Variants in CNTNAP2 observed in about 807,000 individuals in gnomAD.
CNTNAP2 encodes the protein contactin associated protein 2, also known as contactin-associated protein-like 2.
A neutral mutation model predicts 155.2 loss-of-function variants in CNTNAP2; 98 were observed. That is an observed-to-expected ratio of 0.63 (90% confidence interval 0.54 to 0.75). CNTNAP2 has a LOEUF of 0.75. CNTNAP2 is among the 30% of genes least tolerant of loss of function. The probability of loss-of-function intolerance (pLI) is 0.00; values close to 1 mark genes in which losing one functional copy is unlikely to be tolerated. For missense variants in CNTNAP2, 1,727 were observed against 1,688.1 expected, an observed-to-expected ratio of 1.02 and a Z score of -0.40; for synonymous variants, 651 against 631.2, an observed-to-expected ratio of 1.03 and a Z score of -0.47.
chr7:146,675,309 C>A (rs1486782782), intron 1 of CNTNAP2, among the ~76,000 whole-genome samples: 1 of 152,108 alleles, frequency 6.6e-6, no homozygotes, highest in African/African-American at 2.4e-5. Context: ...GAATTCTGAT[C>A]TTGGATCATC....
chr7:146,550,053 A>T (rs1307722739), intron 1 of CNTNAP2, among the ~76,000 whole-genome samples: 2 of 152,150 alleles, frequency 1.3e-5, no homozygotes, highest in Admixed American at 6.6e-5. Flanking sequence ...AGCTCCAGTC[A>T]AAAGCAATCA....
At chr7:148,373,433 C>T (rs35074228) in intron 21 of CNTNAP2, among the ~76,000 whole-genome samples, 10,515 of 152,132 alleles carry the variant, frequency 0.069, 596 homozygotes, top group East Asian at 0.25. Flanking sequence ...CCAGCCTGGA[C>T]GACAGAGCGA....
intron 3 of CNTNAP2, among the ~76,000 whole-genome samples, chr7:146,969,625 G>A (rs1370830758): frequency 7.0e-6 from 1 of 142,704 alleles, no homozygotes; most frequent in Admixed American, 6.8e-5. Context: ...CAGAGACTAG[G>A]ATTGCAACCC....
At chr7:148,266,353 C>A (rs1445713026) in intron 20 of CNTNAP2, among the ~76,000 whole-genome samples, 1 of 152,142 alleles carries the variant, frequency 6.6e-6, no homozygotes, top group African/African-American at 2.4e-5. Flanking sequence ...GCAGGAAAAG[C>A]CACACAGGGA....
intron 3 of CNTNAP2, among the ~76,000 whole-genome samples, chr7:147,001,333 T>G (rs1798417898): frequency 6.6e-6 from 1 of 152,066 alleles, no homozygotes; most frequent in South Asian, 2.1e-4. Flanking sequence ...TCCTCAGGTT[T>G]GACTATTCTT....
intron 1 of CNTNAP2, among the ~76,000 whole-genome samples, chr7:146,754,972 AT>A (rs1292236872): frequency 6.6e-6 from 1 of 151,916 alleles, no homozygotes; most frequent in Non-Finnish European, 1.5e-5. Flanking sequence ...CCTGCTTCAA[AT>A]TTTTTAAAGA....
intron 1 of CNTNAP2, among the ~76,000 whole-genome samples, chr7:146,575,241 T>C (rs1019890478): frequency 1.3e-5 from 2 of 152,054 alleles, no homozygotes; most frequent in African/African-American, 4.8e-5. Flanking sequence ...CTCAGCCTCC[T>C]GAGTAGCTGA....
chr7:147,433,089 A>C (rs780924439), intron 10 of CNTNAP2, among the ~76,000 whole-genome samples: 1 of 152,184 alleles, frequency 6.6e-6, no homozygotes, highest in Non-Finnish European at 1.5e-5. Flanking sequence ...AGGACATTTG[A>C]AATCAGCATT....
At chr7:148,343,345 A>G (rs1255739119) in intron 21 of CNTNAP2, among the ~76,000 whole-genome samples, 3 of 152,210 alleles carry the variant, frequency 2.0e-5, no homozygotes, top group African/African-American at 4.8e-5. Context: ...AGCCCACAGT[A>G]CAGTGCTTCT....
chr7:146,352,836 G>T (rs913380532), intron 1 of CNTNAP2, among the ~76,000 whole-genome samples: 2 of 135,106 alleles, frequency 1.5e-5, no homozygotes, highest in African/African-American at 5.7e-5. Flanking sequence ...CTCACTGCAA[G>T]CTCCGCCTCC....
chr7:146,480,663 A>AAT (rs1305632365), intron 1 of CNTNAP2, among the ~76,000 whole-genome samples: 4 of 140,668 alleles, frequency 2.8e-5, no homozygotes, highest in Non-Finnish European at 6.1e-5. Flanking sequence ...GAACCTATAA[A>AAT]ATATATATAT....
At chr7:148,121,639 G>A (rs1037284065) in intron 16 of CNTNAP2, among the ~76,000 whole-genome samples, 1 of 152,098 alleles carries the variant, frequency 6.6e-6, no homozygotes, top group African/African-American at 2.4e-5. Flanking sequence ...ACTACATATT[G>A]CTTTCCAGAA....
Position 147,955,354 on chromosome 7 carries a change from C to T in CNTNAP2, c.2256-22508C>T, listed in dbSNP as rs1200610426. On this transcript the variant is annotated intron_variant, in intron 14 of 23. Transcript: ENST00000361727. The stretch of plus-strand genomic sequence containing the variant: ...ATTAATTTAAGACAACATTAAAAAC[C>T]CTCTACTTATTAGCATAACATGCTT... Among the ~76,000 whole-genome samples the T allele has an allele frequency of 2.0e-5, 3 of 151,616 alleles. No individual in the cohort carries two copies. In the East Asian group the frequency reaches 5.8e-4, roughly 29 times the overall value.
chr7:146,252,886 AATG>A (rs10604991), intron 1 of CNTNAP2, among the ~76,000 whole-genome samples: 25,160 of 151,988 alleles, frequency 0.17, 4,605 homozygotes, highest in African/African-American at 0.46. Flanking sequence ...GCCTCATCGT[AATG>A]ATAATAATGA....
intron 3 of CNTNAP2, among the ~76,000 whole-genome samples, chr7:146,903,246 G>A (rs10081247): frequency 6.6e-6 from 1 of 151,902 alleles, no homozygotes; most frequent in African/African-American, 2.4e-5. Flanking sequence ...TTTGTCACCA[G>A]AGATAGCTTG....
At chr7:147,619,869 G>A (rs1801360675) in intron 12 of CNTNAP2, among the ~76,000 whole-genome samples, 1 of 152,166 alleles carries the variant, frequency 6.6e-6, no homozygotes, top group Non-Finnish European at 1.5e-5. Flanking sequence ...AGCAGGTCTT[G>A]GGGCAACACC....
chr7:147,562,290 G>T, intron 12 of CNTNAP2, 33 bp downstream of exon 12: 1 of 1,612,466 alleles, frequency 6.2e-7, no homozygotes, highest in African/African-American at 1.3e-5. Flanking sequence ...TTATGAAGAT[G>T]CTTTTCTATA....
At chr7:147,710,870 T>C (rs1280303268) in intron 13 of CNTNAP2, among the ~76,000 whole-genome samples, 1 of 152,158 alleles carries the variant, frequency 6.6e-6, no homozygotes, top group Non-Finnish European at 1.5e-5. Context: ...GAAGTGGAAA[T>C]TAATTTGATG....
At chr7:148,009,317 T>C (rs1304046949) in intron 15 of CNTNAP2, among the ~76,000 whole-genome samples, 1 of 152,170 alleles carries the variant, frequency 6.6e-6, no homozygotes, top group African/African-American at 2.4e-5. Flanking sequence ...ACAAAATGGT[T>C]GTACAGGTAC....
Sources: gnomAD v4.1 joint callset for allele counts (sites outside exome capture counted in the v4.1 genomes callset) on GRCh38, gnomAD v4.1.1 for gene constraint, MANE v1.5 for transcripts, NCBI Gene and HGNC (gene_info 2026-07-23, HGNC 2026-07-21) for gene names.